COL6A5: variants seen among roughly 807,000 people sequenced by gnomAD.
COL6A5 encodes the protein collagen alpha-5(VI) chain.
COL6A5 carries 48 observed loss-of-function variants against 65.6 expected under a neutral mutation model. That is an observed-to-expected ratio of 0.73 (90% CI 0.58 to 0.93). The LOEUF is 0.93. COL6A5 is among the 40% of genes least tolerant of loss of function. The probability of loss-of-function intolerance (pLI) is 0.00; values close to 1 mark genes in which losing one functional copy is unlikely to be tolerated. For missense variants in COL6A5, 914 were observed against 928.3 expected (o/e 0.98, Z 0.20); for synonymous variants, 291 against 322.8 (o/e 0.90, Z 1.05).
chr3:130,454,067 C>G (rs1386059456), intron 4 of COL6A5, among the ~76,000 whole-genome samples: 1 of 152,118 alleles, frequency 6.6e-6, no homozygotes, highest in Non-Finnish European at 1.5e-5. Flanking sequence ...GTTATTTAAA[C>G]ATTTACAAAC....
In COL6A5 at chr3:130,378,316, A is replaced by G. The variant is rs189743771; in HGVS notation, c.668-1102A>G. ...AGCACCACCATTCACTCAGTTGTTC[A>G]GGCCAAAAACCCAGGAGTTTTCACC... On this transcript the variant is annotated intron_variant and NMD_transcript_variant, in intron 3 of 41. Transcript: ENST00000312481. Among the ~76,000 whole-genome samples the G allele has an allele frequency of 2.2e-3, 335 of 152,248 alleles. 1 individual carries two copies. The highest frequency in any genetic ancestry group is 6.8e-3 in the Middle Eastern group (2 of 294).
At chr3:130,406,631 G>A (rs992521617) in intron 17 of COL6A5, among the ~76,000 whole-genome samples, 2 of 151,338 alleles carry the variant, frequency 1.3e-5, no homozygotes, top group Non-Finnish European at 2.9e-5. Flanking sequence ...TTACCACAAC[G>A]TTTCCATCAA....
At chr3:130,449,796 C>T (rs776891838) in intron 4 of COL6A5, among the ~76,000 whole-genome samples, 9 of 152,098 alleles carry the variant, frequency 5.9e-5, no homozygotes, top group Non-Finnish European at 1.2e-4. Context: ...ATTGACTCAC[C>T]GGCCAGAATG....
At chr3:130,376,263 G>C in exon 3 of COL6A5, 1 of 1,608,410 alleles carries the variant, frequency 6.2e-7, no homozygotes, top group Non-Finnish European at 8.5e-7. Context: ...TGCAGATGTC[G>C]TGTTTCTGGT....
At position 130,412,034 on chromosome 3, in the gene COL6A5, C is replaced by A. The variant is rs1332827390; in HGVS notation, c.4662+1510C>A. 2.0e-5 allele frequency among the ~76,000 whole-genome samples: 3 copies of A among 152,124 alleles called. No homozygotes were observed. In the East Asian group the frequency reaches 5.8e-4, roughly 29 times the overall value. On this transcript the variant is annotated intron_variant and NMD_transcript_variant, in intron 20 of 41. Coordinates refer to the COL6A5 transcript ENST00000312481. ...GTAAGACAATCCAAGACATTGTCTT[C>A]TATGTGACAGAATTTCAACTTATGT... is the stretch of plus-strand genomic sequence containing the variant.
Position 130,415,638 on chromosome 3 carries a change from A to T in COL6A5, c.4762-7A>T. On this transcript the variant is annotated splice_polypyrimidine_tract_variant and splice_region_variant and intron_variant and NMD_transcript_variant, in intron 22 of 41. Coordinates refer to the COL6A5 transcript ENST00000312481. ...ATTGCATTGTATTTCCTTTGTTACC[A>T]CTAAAGGGGTCACAGGGAAATCCTG... 6 of 1,547,050 alleles carry T rather than the reference A, an allele frequency of 3.9e-6. No homozygotes were observed. The highest frequency in any genetic ancestry group is 5.2e-6 in the Non-Finnish European group (6 of 1,144,006).
rs369234406 is a variant in COL6A5 at position 130,413,441 on chromosome 3, T to C, written c.4663-104T>C. 1.7e-5 allele frequency: 18 copies of C among 1,043,818 alleles called. No individual in the cohort carries two copies. The East Asian group carries it at 3.7e-4, about 21-fold the overall frequency. 64.7% of individuals were successfully genotyped at this position (1,043,818 alleles called of 1,614,324 possible). ...CCTCAGGGAAACTGTTTCTGTGAGC[T>C]GCTCATTACTTATGTCTAGCAGAGA... is the stretch of plus-strand genomic sequence containing the variant. On this transcript the variant is annotated intron_variant and NMD_transcript_variant, in intron 20 of 41. Transcript: ENST00000312481.
chr3:130,397,679 C>T, exon 9 of COL6A5: 2 of 1,548,822 alleles, frequency 1.3e-6, no homozygotes, highest in South Asian at 1.2e-5. Flanking sequence ...TCCTACCTCC[C>T]AGGCATCTTA....
chr3:130,443,528 C>G (rs1709234822), exon 4 of COL6A5: 2 of 1,611,198 alleles, frequency 1.2e-6, no homozygotes, highest in South Asian at 2.2e-5. Context: ...GTAGACTCAT[C>G]AATTTAGGAG....
intron 7 of COL6A5, among the ~76,000 whole-genome samples, chr3:130,471,329 A>C (rs934297374): frequency 6.6e-6 from 1 of 152,116 alleles, no homozygotes; most frequent in Non-Finnish European, 1.5e-5. Context: ...CAGAATAAAA[A>C]CATAAAAAAC....
intron 5 of COL6A5, 84 bp from the exon 6 acceptor site, chr3:130,388,496 A>T: frequency 9.4e-7 from 1 of 1,065,660 alleles, no homozygotes; most frequent in Non-Finnish European, 1.3e-6. Context: ...TTTTCTCATT[A>T]ATGCATTTGT....
chr3:130,373,259 G>C (rs977181888), intron 1 of COL6A5, among the ~76,000 whole-genome samples: 7 of 152,158 alleles, frequency 4.6e-5, no homozygotes, highest in African/African-American at 1.7e-4. Flanking sequence ...TGCTTCGTCT[G>C]GGTTAGTACT....
chr3:130,414,402 C>T (rs1289678082), intron 22 of COL6A5, among the ~76,000 whole-genome samples: 1 of 152,106 alleles, frequency 6.6e-6, no homozygotes, highest in African/African-American at 2.4e-5. Context: ...TTAATACCTT[C>T]ATATTACATT....
chr3:130,457,723 G>A (rs972739998), intron 5 of COL6A5, among the ~76,000 whole-genome samples: 5 of 152,044 alleles, frequency 3.3e-5, no homozygotes, highest in Admixed American at 6.6e-5. Context: ...TGTTTTCTAG[G>A]AACTTCGTGC....
chr3:130,419,332 TGCA>T (rs1206120652), intron 25 of COL6A5, among the ~76,000 whole-genome samples: 2 of 152,170 alleles, frequency 1.3e-5, no homozygotes, highest in Non-Finnish European at 2.9e-5. Flanking sequence ...TTTTTATGCC[TGCA>T]CTCTGTCCTA....
chr3:130,377,920 T>C (rs1391050976), intron 3 of COL6A5, among the ~76,000 whole-genome samples: 1 of 152,144 alleles, frequency 6.6e-6, no homozygotes. Context: ...ATTGGTAGAT[T>C]TATGAGGATT....
chr3:130,432,008 G>A, intron 1 of COL6A5, 59 bp downstream of exon 33: 3 of 1,504,108 alleles, frequency 2.0e-6, no homozygotes, highest in Non-Finnish European at 2.7e-6. Context: ...ATTGTGATAG[G>A]GCAGGATGGG....
rs146349046 is a variant in COL6A5, at chr3:130,362,766, A to G, written c.-28-10845A>G. ...GAGTCTTTCTATCCATGAACATGGA[A>G]TATCTCTAATGCCCCTCTTTATCTC... is the stretch of plus-strand genomic sequence containing the variant. On this transcript the variant is annotated intron_variant and NMD_transcript_variant, in intron 1 of 41. Coordinates refer to the COL6A5 transcript ENST00000312481. 2.2e-3 allele frequency among the ~76,000 whole-genome samples: 339 copies of G among 152,284 alleles called. 2 individuals are homozygous for G. The highest frequency in any genetic ancestry group is 0.022 in the South Asian group (107 of 4,816).
intron 7 of COL6A5, among the ~76,000 whole-genome samples, chr3:130,482,394 A>G (rs1166358083): frequency 6.6e-6 from 1 of 152,040 alleles, no homozygotes; most frequent in East Asian, 1.9e-4. Context: ...GTTCTGTTCC[A>G]TTGGTCTATA....
Sources: allele counts gnomAD v4.1 joint callset (sites outside exome capture counted in the v4.1 genomes callset), GRCh38; gene constraint gnomAD v4.1.1; transcripts MANE v1.5; gene names NCBI Gene and HGNC (gene_info 2026-07-23, HGNC 2026-07-21).